COL23A1: variants seen among roughly 807,000 people sequenced by gnomAD.
COL23A1 encodes collagen alpha-1(XXIII) chain.
COL23A1 carries 97 observed loss-of-function variants against 99.3 expected under a neutral mutation model. That is an observed-to-expected ratio of 0.98 (90% CI 0.83 to 1.16). The LOEUF (loss-of-function observed/expected upper bound fraction) is 1.16, where lower values mean the gene tolerates loss of function less well. COL23A1 is among the 50% of genes most tolerant of loss of function. The probability of loss-of-function intolerance (pLI) is 0.00; values close to 1 mark genes in which losing one functional copy is unlikely to be tolerated. For synonymous variants in COL23A1, 320 were observed against 308.2 expected, an observed-to-expected ratio of 1.04 and a Z score of -0.40; for missense variants, 762 against 757.4, an observed-to-expected ratio of 1.01 and a Z score of -0.07.
At chr5:178,293,298 C>T (rs1032565776) in intron 3 of COL23A1, among the ~76,000 whole-genome samples, 6 of 151,834 alleles carry the variant, frequency 4.0e-5, no homozygotes, top group Non-Finnish European at 5.9e-5. Context: ...TGGCTCTTGG[C>T]GCTGGCACAG....
At chr5:178,272,861 C>T (rs1417132829) in intron 5 of COL23A1, among the ~76,000 whole-genome samples, 1 of 152,170 alleles carries the variant, frequency 6.6e-6, no homozygotes, top group Non-Finnish European at 1.5e-5. Flanking sequence ...CCAGTCCTTC[C>T]TGGGTCTCTT....
chr5:178,381,108 TG>T (rs1763358714), intron 2 of COL23A1, among the ~76,000 whole-genome samples: 1 of 152,236 alleles, frequency 6.6e-6, no homozygotes, highest in South Asian at 2.1e-4. Context: ...CCACAGTCAC[TG>T]AAGTGGAGTG....
chr5:178,430,229 C>A (rs927523340), intron 2 of COL23A1, among the ~76,000 whole-genome samples: 1 of 152,202 alleles, frequency 6.6e-6, no homozygotes, highest in African/African-American at 2.4e-5. Context: ...AACGATCACA[C>A]CCCATAAGGA....
intron 2 of COL23A1, among the ~76,000 whole-genome samples, chr5:178,318,885 C>G (rs1200356993): frequency 8.5e-5 from 12 of 141,688 alleles, no homozygotes; most frequent in Admixed American, 3.6e-4. Flanking sequence ...CTGGGCGATA[C>G]AGCAAGACTT....
In COL23A1 at chr5:178,255,127, A is replaced by C; in HGVS notation, c.883-101T>G. The stretch of plus-strand genomic sequence containing the variant: ...ATCACATCCAGAGAGAAAGCAATGG[A>C]AGAGCCTCGTCACCCAGGCTGCACG... On this transcript the variant is annotated intron_variant, in intron 15 of 28. Coordinates refer to ENST00000390654, the MANE Select transcript of COL23A1 (RefSeq NM_173465.4). This position sits in a 1 kb window ranked among gnomAD's most constrained non-coding sequence, Gnocchi z 4.2. 1.0e-6 allele frequency: 1 copy of C among 991,970 alleles called. No individual in the cohort carries two copies. The highest frequency in any genetic ancestry group is 1.6e-6 in the Non-Finnish European group (1 of 630,712). The allele number at this position is 991,970 out of a possible 1,614,324, so 61.4% of individuals were successfully genotyped here.
intron 2 of COL23A1, among the ~76,000 whole-genome samples, chr5:178,554,955 A>C (rs1380874059): frequency 6.6e-6 from 1 of 152,196 alleles, no homozygotes; most frequent in Non-Finnish European, 1.5e-5. Context: ...TCATCTTTCC[A>C]AACAGAAACG....
At chr5:178,356,210 G>A (rs1015270523) in intron 2 of COL23A1, among the ~76,000 whole-genome samples, 20 of 152,126 alleles carry the variant, frequency 1.3e-4, no homozygotes, top group Admixed American at 1.2e-3. Context: ...GGTTGCGGAG[G>A]GGAGGAGGAC....
intron 2 of COL23A1, among the ~76,000 whole-genome samples, chr5:178,431,635 G>A (rs189512205): frequency 1.3e-5 from 2 of 152,196 alleles, no homozygotes; most frequent in African/African-American, 4.8e-5. Context: ...CGCTGGCAGC[G>A]GCCAGGAGCT....
rs569095255 is a variant in COL23A1 at position 178,468,586 on chromosome 5, C to T, written c.361+92096G>A. On this transcript the variant is annotated intron_variant, in intron 2 of 28. Coordinates refer to ENST00000390654, the MANE Select transcript of COL23A1 (RefSeq NM_173465.4). The surrounding 1 kb of genome is among the most constrained non-coding windows in gnomAD (Gnocchi z 4.2). ...AGCTGACCTCAGGCTGCAGGCCACACGCAGAGCAGCTTCCCCTCCCCTCGA... is the reference window on the plus strand; with the variant it reads ...AGCTGACCTCAGGCTGCAGGCCACATGCAGAGCAGCTTCCCCTCCCCTCGA... Among the ~76,000 whole-genome samples the T allele has an allele frequency of 4.8e-5, 7 of 144,528 alleles. No individual in the cohort carries two copies. Among genetic ancestry groups the T allele is most frequent in the Admixed American group, 1.3e-4 (2 of 15,112 alleles). The allele number at this position is 144,528 out of a possible 152,430, so 94.8% of individuals were successfully genotyped here.
chr5:178,464,216 G>A (rs553609838), intron 2 of COL23A1, among the ~76,000 whole-genome samples: 14 of 152,030 alleles, frequency 9.2e-5, no homozygotes, highest in African/African-American at 2.7e-4. Flanking sequence ...ACTAACTCCC[G>A]ATTCGGCACT....
At chr5:178,512,806 G>GTGACCCAATC in intron 2 of COL23A1, among the ~76,000 whole-genome samples, 1 of 152,154 alleles carries the variant, frequency 6.6e-6, no homozygotes, top group African/African-American at 2.4e-5. Context: ...CTGAGTACCC[G>GTGACCCAATC]TGACCCAATC....
chr5:178,451,398 G>T (rs1581414291), intron 2 of COL23A1, among the ~76,000 whole-genome samples: 1 of 152,168 alleles, frequency 6.6e-6, no homozygotes. Flanking sequence ...GCTCACACCT[G>T]TAATCCCAGC....
At chr5:178,319,392 A>C (rs1037271114) in intron 2 of COL23A1, among the ~76,000 whole-genome samples, 3 of 152,160 alleles carry the variant, frequency 2.0e-5, no homozygotes, top group Admixed American at 1.3e-4. Context: ...GAGAATGAAA[A>C]GCTCTATTTT....
At chr5:178,532,461 C>G (rs1261841229) in intron 2 of COL23A1, among the ~76,000 whole-genome samples, 3 of 152,174 alleles carry the variant, frequency 2.0e-5, no homozygotes, top group African/African-American at 7.2e-5. Context: ...GACACAGACT[C>G]AGCCGAGCCC....
intron 12 of COL23A1, among the ~76,000 whole-genome samples, chr5:178,258,540 C>T (rs979240287): frequency 3.4e-4 from 51 of 150,562 alleles, no homozygotes; most frequent in Non-Finnish European, 5.9e-4. Context: ...GGACTACAGG[C>T]GCCCGCCACC....
At chr5:178,338,563 G>A (rs1473926804) in intron 2 of COL23A1, among the ~76,000 whole-genome samples, 1 of 152,196 alleles carries the variant, frequency 6.6e-6, no homozygotes, top group South Asian at 2.1e-4. Flanking sequence ...CCAGCACCGG[G>A]TATGGGGTAG....
At chr5:178,491,492 C>A (rs748227182) in intron 2 of COL23A1, among the ~76,000 whole-genome samples, 1 of 152,080 alleles carries the variant, frequency 6.6e-6, no homozygotes, top group Admixed American at 6.6e-5. Flanking sequence ...CTACAGACAA[C>A]GGCTAAACCC....
At chr5:178,320,668 C>T (rs1759245458) in intron 2 of COL23A1, among the ~76,000 whole-genome samples, 1 of 152,250 alleles carries the variant, frequency 6.6e-6, no homozygotes, top group South Asian at 2.1e-4. Flanking sequence ...CCTTGCCTCG[C>T]ACCCCAGGGG....
At chr5:178,421,935 G>T (rs1012503592) in intron 2 of COL23A1, among the ~76,000 whole-genome samples, 1 of 141,658 alleles carries the variant, frequency 7.1e-6, no homozygotes, top group African/African-American at 3.2e-5. Flanking sequence ...GAAGAACGCC[G>T]GGGGGTGGAG....
Sources: allele counts gnomAD v4.1 joint callset (sites outside exome capture counted in the v4.1 genomes callset), GRCh38; gene constraint gnomAD v4.1.1; non-coding constraint Gnocchi (gnomAD v3.1); transcripts MANE v1.5; gene names NCBI Gene and HGNC (gene_info 2026-07-23, HGNC 2026-07-21).